The following APLN variants were observed in gnomAD, a reference collection of about 807,000 sequenced individuals.
APLN encodes AGTRL1 ligand.
APLN carries 2 observed loss-of-function variants against 4.3 expected under a neutral mutation model. The ratio of observed to expected loss-of-function variants is 0.46; its 90% CI spans 0.19 to 1.45. The LOEUF is 1.45. Among genes scored for constraint, APLN ranks in the 40% most tolerant of loss-of-function variants. The pLI, the probability that APLN is intolerant of heterozygous loss-of-function variation, is 0.25. For synonymous variants in APLN, 34 were observed against 30.4 expected, an observed-to-expected ratio of 1.12 and a Z score of -0.38; for missense variants, 80 against 70.0, an observed-to-expected ratio of 1.14 and a Z score of -0.51.
intron 1 of APLN, among the ~76,000 whole-genome samples, chrX:129,649,766 G>T (rs933782579): frequency 7.2e-5 from 8 of 111,010 alleles, no homozygotes; most frequent in Non-Finnish European, 1.5e-4. Flanking sequence ...GCACTCTGGG[G>T]CTCCTCTTTA....
At chrX:129,648,868 G>A in intron 1 of APLN, 76 bp from the exon 2 acceptor site, 2 of 946,214 alleles carry the variant, frequency 2.1e-6, no homozygotes, top group South Asian at 5.1e-5. Flanking sequence ...AGGCCCGCGG[G>A]AGGGGTGGTC....
In APLN at chrX:129,654,258, C is replaced by T. The variant is rs751900461; in HGVS notation, c.67+306G>A. ...CACCTCTACCACGCGGGGTGCAGGG[C>T]GTGGGACACGCGGCGCACACCTGTG... On this transcript the variant is annotated intron_variant, in intron 1 of 2. Transcript: ENST00000429967. 1.5e-4 allele frequency among the ~76,000 whole-genome samples: 17 copies of T among 113,526 alleles called. 2 individuals carry two copies. The highest frequency in any genetic ancestry group is 1.8e-4 in the Admixed American group (2 of 10,942).
chrX:129,648,038 A>G, intron 2 of APLN, 121 bp from the exon 3 acceptor site: 1 of 889,231 alleles, frequency 1.1e-6, no homozygotes, highest in Non-Finnish European at 1.4e-6. Context: ...ACTCAGCCCA[A>G]ACCTCAATCC....
chrX:129,654,216 G>A (rs1418011598), intron 1 of APLN, among the ~76,000 whole-genome samples: 1 of 113,240 alleles, frequency 8.8e-6, no homozygotes, highest in Admixed American at 9.2e-5. Context: ...CGAGGGAGCG[G>A]GCATGTCCCC....
chrX:129,648,443 T>C (rs942325795), intron 2 of APLN, among the ~76,000 whole-genome samples, 178 bp downstream of exon 2: 9 of 112,549 alleles, frequency 8.0e-5, no homozygotes, highest in Non-Finnish European at 1.1e-4. Context: ...GTCTGTAAAA[T>C]AAAGGGGCTA....
In APLN at chrX:129,654,650, C is replaced by A. The variant is rs1398652266; in HGVS notation, c.-20G>T. The stretch of plus-strand genomic sequence containing the variant: ...ATTCATGCTGCTCCTTGGGCCGCCG[C>A]GGCCCCGGCGAGCCGGCGCGGGGGA... On this transcript the variant is annotated 5_prime_UTR_variant, in exon 1 of 3. Transcript: ENST00000429967. The A allele has an allele frequency of 9.2e-7, 1 of 1,090,032 alleles. No individual in the cohort carries two copies. Among genetic ancestry groups the A allele is most frequent in the Non-Finnish European group, 1.2e-6 (1 of 839,419 alleles). 89.8% of individuals were successfully genotyped at this position (1,090,032 alleles called of 1,213,427 possible). A position where few individuals can be genotyped will look rare whatever the true frequency, so the allele number is the denominator to read the frequency against.
At chrX:129,649,561 T>A (rs1308538494) in intron 1 of APLN, among the ~76,000 whole-genome samples, 1 of 111,453 alleles carries the variant, frequency 9.0e-6, no homozygotes, top group Non-Finnish European at 1.9e-5. Flanking sequence ...CAATAAATAT[T>A]GCATGAATAT....
rs1936945378 is a variant in APLN at position 129,647,087 on chromosome X, T to A, written c.*836A>T. The A allele has an allele frequency of 8.4e-6, 1 of 118,935 alleles. No individual in the cohort carries two copies. Among genetic ancestry groups the A allele is most frequent in the Admixed American group, 8.0e-5 (1 of 12,436 alleles). The allele number at this position is 118,935 out of a possible 1,213,427, so 9.8% of individuals were successfully genotyped here. On this transcript the variant is annotated 3_prime_UTR_variant, in exon 3 of 3. Transcript: ENST00000429967. ...TTTGCCTAAGAAGGCTAAGTGACCT[T>A]CAAGGGTCCTGTCAGCTCTAACATT...
chrX:129,648,722 T>G lies in APLN; in HGVS notation c.138A>C (p.Arg46Ser), dbSNP rs776156808. 1.0e-5 allele frequency: 12 copies of G among 1,178,268 alleles called. No homozygotes were observed. The highest frequency in any genetic ancestry group is 1.9e-5 in the South Asian group (1 of 53,153). ...AGGGCCCTGGCCCATTCCTTGACCC[T>G]CTGGGCTGCACCAGGTGGCGGACAT... ...DGNVRHLVQPRGSRNGPGPWQ... is the reference protein window; with the variant it reads ...DGNVRHLVQPSGSRNGPGPWQ... The change falls in exon 2 of 3, where the codon AGA becomes AGC. Residue 46 changes from arginine (R) to serine (S), a missense_variant. By Grantham distance (110) the Arg-to-Ser change is moderately radical. Transcript: ENST00000429967.
intron 1 of APLN, among the ~76,000 whole-genome samples, chrX:129,650,462 C>CCA (rs1229301015): frequency 6.4e-5 from 7 of 110,185 alleles, no homozygotes; most frequent in East Asian, 2.9e-4. Flanking sequence ...CCCACCCCCT[C>CCA]CACACACACA....
In APLN at chrX:129,654,813, G is replaced by A. The variant is rs1925013535; in HGVS notation, c.-183C>T. ...TCCCGCTGGCCGCCTCCGCTCTTCT[G>A]CAGCCTCCTCTCCCGCCGCGGGGCA... is the stretch of plus-strand genomic sequence containing the variant. On this transcript the variant is annotated 5_prime_UTR_variant, in exon 1 of 3. Transcript: ENST00000429967. 4.5e-6 allele frequency: 1 copy of A among 222,383 alleles called. No homozygotes were observed. The highest frequency in any genetic ancestry group is 1.4e-3 in the Middle Eastern group (1 of 732). 18.3% of individuals were successfully genotyped at this position (222,383 alleles called of 1,213,427 possible). A position where few individuals can be genotyped will look rare whatever the true frequency, so the allele number is the denominator to read the frequency against.
intron 2 of APLN, 41 bp downstream of exon 2, chrX:129,648,580 C>T (rs41334247): frequency 3.5e-4 from 406 of 1,176,676 alleles, no homozygotes; most frequent in Non-Finnish European, 4.2e-4. Context: ...TGTCCTTCTC[C>T]CTCCGCTTTA....
chrX:129,653,924 G>A (rs1936992583), intron 1 of APLN, among the ~76,000 whole-genome samples: 1 of 111,735 alleles, frequency 8.9e-6, no homozygotes, highest in Non-Finnish European at 1.9e-5. Flanking sequence ...TTGGGGTTAG[G>A]GAGGAGAAGA....
At position 129,647,587 on chromosome X, in the gene APLN, A is replaced by C; in HGVS notation, c.*336T>G. 1 of 961,654 alleles carries C rather than the reference A, an allele frequency of 1.0e-6. No homozygotes were observed. Among genetic ancestry groups the C allele is most frequent in the Non-Finnish European group, 1.3e-6 (1 of 742,508 alleles). The allele number at this position is 961,654 out of a possible 1,213,427, so 79.3% of individuals were successfully genotyped here. On this transcript the variant is annotated 3_prime_UTR_variant, in exon 3 of 3. Coordinates refer to ENST00000429967, the MANE Select transcript of APLN (RefSeq NM_017413.5). ...ACATGAGGAAGGAAGGCCCAAATGA[A>C]GGTTTGGGGCGTTAGATGAGACAGG...
At chrX:129,654,507 C>G in intron 1 of APLN, 57 bp downstream of exon 1, 1 of 1,093,136 alleles carries the variant, frequency 9.1e-7, no homozygotes, top group Non-Finnish European at 1.2e-6. Flanking sequence ...GCGAATAGGG[C>G]GGAGGGAAAG....
rs7878332 is a variant in APLN at position 129,648,223 on chromosome X, C to T, written c.*6-306G>A. Among the ~76,000 whole-genome samples, 668 of 111,788 alleles carry T rather than the reference C, an allele frequency of 6.0e-3. 6 individuals are homozygous for T. The highest frequency in any genetic ancestry group is 0.02 in the African/African-American group (623 of 30,757). ...CCTCTTGTTCTCTGCCTGAGAGCCC[C>T]TAGAGCTCTCTGCCTCCTTCCCCAA... On this transcript the variant is annotated intron_variant, in intron 2 of 2. Coordinates refer to ENST00000429967, the MANE Select transcript of APLN (RefSeq NM_017413.5).
At chrX:129,649,765 G>A (rs770028074) in intron 1 of APLN, among the ~76,000 whole-genome samples, 3 of 110,982 alleles carry the variant, frequency 2.7e-5, no homozygotes, top group South Asian at 3.9e-4. Flanking sequence ...TGCACTCTGG[G>A]GCTCCTCTTT....
At chrX:129,652,803 G>A (rs1264794220) in intron 1 of APLN, among the ~76,000 whole-genome samples, 2 of 111,631 alleles carry the variant, frequency 1.8e-5, no homozygotes, top group African/African-American at 6.5e-5. Context: ...CCAATGGCTG[G>A]GACCCAGGAG....
rs761474826 is a variant in APLN, at chrX:129,647,413, C to A, written c.*510G>T. On this transcript the variant is annotated 3_prime_UTR_variant, in exon 3 of 3. Transcript: ENST00000429967. ...TGCCCCCAATGTGCCCTGTCTGGAT[C>A]CCCGCAGCCAGCACCTCTTAACTAG... 27 of 278,118 alleles carry A rather than the reference C, an allele frequency of 9.7e-5. No homozygotes were observed. The highest frequency in any genetic ancestry group is 1.6e-4 in the Non-Finnish European group (25 of 158,716). The allele number at this position is 278,118 out of a possible 1,213,427, so 22.9% of individuals were successfully genotyped here. A position where few individuals can be genotyped will look rare whatever the true frequency, so the allele number is the denominator to read the frequency against.
Sources: allele counts gnomAD v4.1 joint callset (sites outside exome capture counted in the v4.1 genomes callset), GRCh38; gene constraint gnomAD v4.1.1; transcripts MANE v1.5; gene names NCBI Gene and HGNC (gene_info 2026-07-23, HGNC 2026-07-21).